Variants in FSTL4 observed in about 807,000 individuals in gnomAD.
The protein encoded by FSTL4 is follistatin-related protein 4.
Under a neutral mutation model 78.2 loss-of-function variants are expected in FSTL4, and 28 were observed. The ratio of observed to expected loss-of-function variants is 0.36; its 90% CI spans 0.27 to 0.49. FSTL4 has a LOEUF of 0.49. Among genes scored for constraint, FSTL4 ranks in the 20% least tolerant of loss-of-function variants. The pLI is 0.98. For missense variants in FSTL4, 922 were observed against 1,084.9 expected, an observed-to-expected ratio of 0.85 and a Z score of 2.11; for synonymous variants, 422 against 440.5, an observed-to-expected ratio of 0.96 and a Z score of 0.53.
the FSTL4 span, among the ~76,000 whole-genome samples, chr5:133,687,383 G>A: frequency 3.3e-5 from 5 of 152,186 alleles, no homozygotes; most frequent in African/African-American, 9.7e-5. Context: ...ACTCTGTGGC[G>A]TGAGGCTAAG....
intron 5 of FSTL4, among the ~76,000 whole-genome samples, chr5:133,315,179 A>G (rs10515457): frequency 0.17 from 25,509 of 152,044 alleles, 2,235 homozygotes; most frequent in Middle Eastern, 0.24. Context: ...AACATACCAC[A>G]TGCCAGGTAC....
At chr5:133,204,685 A>G (rs773551484) in intron 14 of FSTL4, among the ~76,000 whole-genome samples, 2 of 152,100 alleles carry the variant, frequency 1.3e-5, no homozygotes, top group African/African-American at 2.4e-5. Context: ...TACAAAAATT[A>G]GCTGGGTGTA....
chr5:133,458,001 T>C (rs1388855644), intron 3 of FSTL4: 1 of 152,218 alleles, frequency 6.6e-6, no homozygotes, highest in Non-Finnish European at 1.5e-5. Context: ...TTCATTCCCA[T>C]AGCCTGGCCT....
intron 4 of FSTL4, among the ~76,000 whole-genome samples, chr5:133,376,066 C>T (rs539364855): frequency 3.3e-4 from 50 of 152,330 alleles, no homozygotes; most frequent in African/African-American, 1.2e-3. Context: ...CACGTGTGCA[C>T]TTGACAAGCT....
chr5:133,750,036 TCACTC>T, the FSTL4 span, among the ~76,000 whole-genome samples: 15 of 152,270 alleles, frequency 9.9e-5, no homozygotes, highest in South Asian at 3.1e-3. Flanking sequence ...CTGTAGGAAT[TCACTC>T]CACCATGGTG....
intron 3 of FSTL4, among the ~76,000 whole-genome samples, chr5:133,469,573 A>G (rs1580729291): frequency 6.6e-6 from 1 of 152,236 alleles, no homozygotes; most frequent in African/African-American, 2.4e-5. Context: ...GCCACATACT[A>G]ATATTAGAAA....
chr5:133,250,435 T>C (rs1752186903), intron 6 of FSTL4, among the ~76,000 whole-genome samples: 1 of 152,086 alleles, frequency 6.6e-6, no homozygotes, highest in Non-Finnish European at 1.5e-5. Flanking sequence ...TCAGGGAGGC[T>C]GGGGCAATAG....
intron 2 of FSTL4, among the ~76,000 whole-genome samples, chr5:133,591,908 C>T (rs955389711): frequency 6.6e-6 from 1 of 152,160 alleles, no homozygotes; most frequent in Non-Finnish European, 1.5e-5. Context: ...GACAACCCTT[C>T]TTTGTACATG....
intron 2 of FSTL4, among the ~76,000 whole-genome samples, chr5:133,599,023 G>A (rs1160505827): frequency 2.0e-5 from 3 of 152,160 alleles, no homozygotes; most frequent in African/African-American, 2.4e-5. Flanking sequence ...CCCTACAGAC[G>A]ACCAGCTGTT....
intron 6 of FSTL4, among the ~76,000 whole-genome samples, chr5:133,270,326 GAA>G (rs1248547284): frequency 6.6e-6 from 1 of 152,070 alleles, no homozygotes; most frequent in African/African-American, 2.4e-5. Flanking sequence ...AAGCCAATAA[GAA>G]AAAAATAAAA....
At chr5:133,608,949 C>T (rs1219516646) in intron 1 of FSTL4, among the ~76,000 whole-genome samples, 1 of 152,114 alleles carries the variant, frequency 6.6e-6, no homozygotes, top group Non-Finnish European at 1.5e-5. Flanking sequence ...TCCCATTAAA[C>T]TGGCAATGGG....
chr5:133,566,601 T>A (rs112626193), intron 3 of FSTL4, among the ~76,000 whole-genome samples: 1 of 152,290 alleles, frequency 6.6e-6, no homozygotes, highest in African/African-American at 2.4e-5. Flanking sequence ...AACTTCAATT[T>A]CCACTAAAAG....
the FSTL4 span, among the ~76,000 whole-genome samples, chr5:133,824,829 C>A: frequency 1.3e-5 from 2 of 152,132 alleles, no homozygotes; most frequent in African/African-American, 4.8e-5. Context: ...TGGCTGAGCC[C>A]TTTGAACTCT....
At chr5:133,424,219 T>A (rs908378103) in intron 3 of FSTL4, among the ~76,000 whole-genome samples, 2 of 152,172 alleles carry the variant, frequency 1.3e-5, no homozygotes, top group Non-Finnish European at 2.9e-5. Context: ...TCAGTGCACA[T>A]CCAAGCGTTT....
At chr5:133,797,811 A>C in the FSTL4 span, among the ~76,000 whole-genome samples, 1 of 152,122 alleles carries the variant, frequency 6.6e-6, no homozygotes, top group Non-Finnish European at 1.5e-5. Context: ...TCATACCCTG[A>C]GCAGCGCTTT....
intron 6 of FSTL4, among the ~76,000 whole-genome samples, chr5:133,283,205 C>T (rs748971671): frequency 9.2e-5 from 14 of 152,058 alleles, no homozygotes; most frequent in Non-Finnish European, 8.8e-5. Flanking sequence ...AGGTGTGCTG[C>T]GCTTCCTGGG....
At chr5:133,386,818 C>T (rs1314147042) in intron 4 of FSTL4, among the ~76,000 whole-genome samples, 1 of 152,138 alleles carries the variant, frequency 6.6e-6, no homozygotes, top group Non-Finnish European at 1.5e-5. Flanking sequence ...TTTCACGTGG[C>T]ATTGGCGGGG....
At chr5:133,229,332 G>C (rs1480049615) in intron 8 of FSTL4, among the ~76,000 whole-genome samples, 1 of 152,060 alleles carries the variant, frequency 6.6e-6, no homozygotes, top group Non-Finnish European at 1.5e-5. Flanking sequence ...GACCAGCCTG[G>C]GCAACGTTGT....
At chr5:133,797,462 A>G in the FSTL4 span, among the ~76,000 whole-genome samples, 1 of 152,252 alleles carries the variant, frequency 6.6e-6, no homozygotes, top group African/African-American at 2.4e-5. Context: ...AAAATTTGGC[A>G]TTATTGCCAC....
Sources: gnomAD v4.1 joint callset for allele counts (sites outside exome capture counted in the v4.1 genomes callset) on GRCh38, gnomAD v4.1.1 for gene constraint, MANE v1.5 for transcripts, NCBI Gene and HGNC (gene_info 2026-07-23, HGNC 2026-07-21) for gene names.